TRIM33: variants seen among roughly 807,000 people sequenced by gnomAD.
TRIM33 encodes the protein E3 ubiquitin-protein ligase TRIM33.
TRIM33 carries 20 observed loss-of-function variants against 125.4 expected under a neutral mutation model. That is an observed-to-expected ratio of 0.16 (90% CI 0.11 to 0.23). The LOEUF (loss-of-function observed/expected upper bound fraction) is 0.23. TRIM33 is among the 10% of genes least tolerant of loss of function. The pLI, the probability that TRIM33 is intolerant of heterozygous loss-of-function variation, is 1.00. For missense variants in TRIM33, 920 were observed against 1,411.4 expected (o/e 0.65, Z 5.58); for synonymous variants, 564 against 513.9 (o/e 1.10, Z -1.32).
chr1:114,491,830 C>A (rs958658651), intron 1 of TRIM33, among the ~76,000 whole-genome samples: 4 of 152,002 alleles, frequency 2.6e-5, no homozygotes, highest in African/African-American at 9.7e-5. Flanking sequence ...TAAAATATAT[C>A]GCTGGTTCAT....
chr1:114,427,667 A>G (rs915508260), intron 7 of TRIM33, 81 bp downstream of exon 7: 4 of 1,401,620 alleles, frequency 2.9e-6, no homozygotes, highest in South Asian at 3.1e-5. Flanking sequence ...ATTAAAATGT[A>G]TACTTTAAAC....
chr1:114,480,164 G>T lies in TRIM33; in HGVS notation c.527-15776C>A, dbSNP rs534661642. Among the ~76,000 whole-genome samples, 27 of 152,262 alleles carry T rather than the reference G, an allele frequency of 1.8e-4. No individual in the cohort carries two copies. The South Asian group carries it at 5.6e-3, about 32-fold the overall frequency. Reference sequence around the variant, plus strand: ...GATTCTTCTGCCTTGGGATGCTGTTGATCTATGACCTTGCCCCCAACCCTG... The same window carrying T: ...GATTCTTCTGCCTTGGGATGCTGTTTATCTATGACCTTGCCCCCAACCCTG... On this transcript the variant is annotated intron_variant, in intron 1 of 19. Coordinates refer to ENST00000358465, the MANE Select transcript of TRIM33 (RefSeq NM_015906.4).
chr1:114,436,400 C>CAAAAAAAAAAAAAAAAAAAAAAAAA (rs765728045), intron 4 of TRIM33, among the ~76,000 whole-genome samples: 1 of 40,856 alleles, frequency 2.4e-5, no homozygotes, highest in African/African-American at 8.3e-5. Flanking sequence ...GACTCTGTCT[C>CAAAAAAAAAAAAAAAAAAAAAAAAA]AAAAAAAAAA....
intron 1 of TRIM33, among the ~76,000 whole-genome samples, chr1:114,486,122 A>G (rs2101510966): frequency 6.6e-6 from 1 of 152,162 alleles, no homozygotes; most frequent in Non-Finnish European, 1.5e-5. Context: ...CTAAAAATAC[A>G]AAAACTAGCC....
chr1:114,483,536 C>T (rs113806169), intron 1 of TRIM33, among the ~76,000 whole-genome samples: 2 of 151,674 alleles, frequency 1.3e-5, no homozygotes, highest in Non-Finnish European at 2.9e-5. Flanking sequence ...CTCAGCCTCC[C>T]GAGTAGCTGC....
intron 1 of TRIM33, chr1:114,490,702 G>C (rs559556379): frequency 6.6e-6 from 1 of 152,272 alleles, no homozygotes; most frequent in East Asian, 1.9e-4. Flanking sequence ...ATATTATTCA[G>C]GCCTAAAAAT....
intron 11 of TRIM33, among the ~76,000 whole-genome samples, chr1:114,414,027 GCACACA>G (rs3077592): frequency 0.035 from 4,558 of 130,642 alleles, 106 homozygotes; most frequent in Middle Eastern, 0.09. Flanking sequence ...TAAATCACAG[GCACACA>G]CACACACACA....
intron 15 of TRIM33, among the ~76,000 whole-genome samples, chr1:114,403,146 T>A (rs1652010657): frequency 6.6e-6 from 1 of 152,190 alleles, no homozygotes; most frequent in East Asian, 1.9e-4. Context: ...TTAGTAGTGA[T>A]GAGCAGTACT....
chr1:114,464,383 C>T lies in TRIM33; in HGVS notation c.532G>A (p.Val178Ile). ...GSNGDIQQVG[V>I]IRCPVCRQEC... ...TGGCGGCATACTGGGCACCGTATTACACCAACTACAACATAAAATAACAAC... is the reference window on the plus strand; with the variant it reads ...TGGCGGCATACTGGGCACCGTATTATACCAACTACAACATAAAATAACAAC... Residue 178 changes from valine (V) to isoleucine (I), a missense_variant, in exon 2 of 20, where the codon GTA becomes ATA. Val to Ile is a conservative substitution (Grantham distance 29). This residue lies in a region of TRIM33 where 75 missense variants were observed against 123.9 expected (regional missense o/e 0.61). Transcript: ENST00000358465. 1 of 1,525,738 alleles carries T rather than the reference C, an allele frequency of 6.6e-7. No homozygotes were observed. Among genetic ancestry groups the T allele is most frequent in the Non-Finnish European group, 8.9e-7 (1 of 1,119,312 alleles). The allele number at this position is 1,525,738 out of a possible 1,614,324, so 94.5% of individuals were successfully genotyped here.
Position 114,511,098 on chromosome 1 carries a change from GGACCGC to G in TRIM33, c.-28_-23del. ...CCATGTTTTCCTCTTTGAACCCGCC[GGACCGC>G]CCCGCGCCGCCCGCCGCCCGCGTCG... On this transcript the variant is annotated 5_prime_UTR_variant, in exon 1 of 20. Coordinates refer to ENST00000358465, the MANE Select transcript of TRIM33 (RefSeq NM_015906.4). 1 of 1,173,560 alleles carries G rather than the reference GGACCGC, an allele frequency of 8.5e-7. No individual in the cohort carries two copies. The highest frequency in any genetic ancestry group is 1.0e-6 in the Non-Finnish European group (1 of 953,936). The allele number at this position is 1,173,560 out of a possible 1,614,324, so 72.7% of individuals were successfully genotyped here.
intron 6 of TRIM33, among the ~76,000 whole-genome samples, chr1:114,429,621 G>T (rs1647815277): frequency 6.7e-6 from 1 of 148,422 alleles, no homozygotes; most frequent in African/African-American, 2.5e-5. Context: ...TCTATGAAGA[G>T]ATGGGACAGA....
intron 4 of TRIM33, among the ~76,000 whole-genome samples, chr1:114,443,385 A>AAATGAATGAATGAATGAATG (rs372157103): frequency 5.3e-4 from 79 of 149,974 alleles, no homozygotes; most frequent in African/African-American, 1.8e-3. Context: ...CTCCATCTCA[A>AAATGAATGAATGAATGAATG]AATGAATGAA....
chr1:114,403,444 C>A (rs371374623), intron 15 of TRIM33, among the ~76,000 whole-genome samples: 1 of 152,108 alleles, frequency 6.6e-6, no homozygotes, highest in East Asian at 1.9e-4. Context: ...AATCTTGGTT[C>A]ACTGCAACCT....
chr1:114,421,471 T>G lies in TRIM33; in HGVS notation c.2026A>C (p.Asn676His), dbSNP rs750281925. The change falls in exon 11 of 20, where the codon AAC becomes CAC. Residue 676 changes from asparagine (N) to histidine (H), a missense_variant. Transcript: ENST00000358465. ...ELIPSVTNPENLPSLPDIPPI... is the reference protein window; with the variant it reads ...ELIPSVTNPEHLPSLPDIPPI... ...GGAATATCTGGCAGCGATGGAAGGTTTTCTGGATTGGTAACTGAGGGGATT... is the reference window on the plus strand; with the variant it reads ...GGAATATCTGGCAGCGATGGAAGGTGTTCTGGATTGGTAACTGAGGGGATT... 1 of 1,614,164 alleles carries G rather than the reference T, an allele frequency of 6.2e-7. No homozygotes were observed. Among genetic ancestry groups the G allele is most frequent in the East Asian group, 2.2e-5 (1 of 44,886 alleles).
chr1:114,406,952 T>G lies in TRIM33; in HGVS notation c.2407A>C (p.Ser803Arg). ...CAGTGGGAGCTTACCATGCAAGCAC[T>G]CCTCCTGCCATCCTCTGTTTTTTCT... is the stretch of plus-strand genomic sequence containing the variant. The part of the protein sequence containing the change: ...KQEKTEDGRR[S>R]ACMLSSPESS... The change falls in exon 14 of 20, where the codon AGT becomes CGT. Residue 803 changes from serine to arginine, a missense_variant. Ser to Arg is a moderately radical substitution (Grantham distance 110). Coordinates refer to ENST00000358465, the MANE Select transcript of TRIM33 (RefSeq NM_015906.4). 6.2e-7 allele frequency: 1 copy of G among 1,613,604 alleles called. No homozygotes were observed. Among genetic ancestry groups the G allele is most frequent in the Non-Finnish European group, 8.5e-7 (1 of 1,179,708 alleles).
At chr1:114,501,259 G>A (rs1387124353) in intron 1 of TRIM33, among the ~76,000 whole-genome samples, 3 of 150,238 alleles carry the variant, frequency 2.0e-5, no homozygotes, top group East Asian at 2.0e-4. Flanking sequence ...GTGCCTCTAA[G>A]AAGGCTGCAG....
chr1:114,491,368 T>A (rs1652053120), intron 1 of TRIM33, among the ~76,000 whole-genome samples: 1 of 152,186 alleles, frequency 6.6e-6, no homozygotes, highest in African/African-American at 2.4e-5. Flanking sequence ...CTGCAAACAA[T>A]AAATTAACAA....
rs1429396098 is a variant in TRIM33 at position 114,410,322 on chromosome 1, G to A, written c.2062-6C>T. On this transcript the variant is annotated splice_polypyrimidine_tract_variant and splice_region_variant and intron_variant, in intron 11 of 19. Coordinates refer to ENST00000358465, the MANE Select transcript of TRIM33 (RefSeq NM_015906.4). ...CTTGAGCCAGCATCTTCCAACTGAA[G>A]AGAAAGAAGATAAAGACAAATTTGC... The A allele has an allele frequency of 6.2e-7, 1 of 1,604,772 alleles. No homozygotes were observed. The highest frequency in any genetic ancestry group is 1.3e-5 in the African/African-American group (1 of 74,136).
At chr1:114,416,833 T>C (rs371626230) in intron 11 of TRIM33, among the ~76,000 whole-genome samples, 1 of 152,220 alleles carries the variant, frequency 6.6e-6, no homozygotes, top group African/African-American at 2.4e-5. Context: ...TGCCTGAATA[T>C]GCTTCCTGTA....
Sources: allele counts gnomAD v4.1 joint callset (sites outside exome capture counted in the v4.1 genomes callset), GRCh38; gene constraint gnomAD v4.1.1; regional missense constraint gnomAD v4.1.1; transcripts MANE v1.5; gene names NCBI Gene and HGNC (gene_info 2026-07-23, HGNC 2026-07-21).